The following PTPRD variants were observed in gnomAD, a reference collection of about 807,000 sequenced individuals.
PTPRD encodes the protein receptor-type tyrosine-protein phosphatase delta.
PTPRD carries 34 observed loss-of-function variants against 214.5 expected under a neutral mutation model. The observed-to-expected ratio is 0.16, with a 90% CI of 0.12 to 0.21. The LOEUF is 0.21. PTPRD is among the 10% of genes least tolerant of loss of function. The pLI, the probability that PTPRD is intolerant of heterozygous loss-of-function variation, is 1.00. For missense variants in PTPRD, 2,545 were observed against 2,398.7 expected (o/e 1.06, Z -1.27); for synonymous variants, 1,128 against 845.7 (o/e 1.33, Z -5.79).
At chr9:10,423,598 G>A (rs7849858) in intron 2 of PTPRD, among the ~76,000 whole-genome samples, 12,822 of 151,814 alleles carry the variant, frequency 0.084, 1,065 homozygotes, top group African/African-American at 0.21. Context: ...GGCATTCAAA[G>A]CAAATTATAA....
At chr9:9,605,163 G>A (rs1282995207) in intron 7 of PTPRD, among the ~76,000 whole-genome samples, 3 of 151,694 alleles carry the variant, frequency 2.0e-5, no homozygotes, top group African/African-American at 7.3e-5. Flanking sequence ...TTATTCCCTG[G>A]GTCTACATGG....
rs76887641 is a variant in PTPRD at position 10,479,247 on chromosome 9, A to G, written c.-600+133151T>C. ...TTCCAAACATGCCCTGGGCGTTTAC[A>G]CACATGGTACAACAAACTAACCTTA... is the stretch of plus-strand genomic sequence containing the variant. On this transcript the variant is annotated intron_variant, in intron 2 of 45. Transcript: ENST00000381196. Among the ~76,000 whole-genome samples, 167 of 152,292 alleles carry G rather than the reference A, an allele frequency of 1.1e-3. 1 individual carries two copies. In the East Asian group the frequency reaches 0.026, roughly 24 times the overall value.
In PTPRD at chr9:9,683,932, G is replaced by C. The variant is rs2097122529; in HGVS notation, c.-287+50601C>G. Among the ~76,000 whole-genome samples the C allele has an allele frequency of 2.0e-5, 3 of 151,688 alleles. 1 individual carries two copies. The South Asian group carries it at 6.2e-4, about 31-fold the overall frequency. ...TATATGACTCCAGCAACCCAAGCTG[G>C]TAGAAGTAAATATGATCAACATTCA... On this transcript the variant is annotated intron_variant, in intron 7 of 45. Transcript: ENST00000381196.
intron 3 of PTPRD, among the ~76,000 whole-genome samples, chr9:10,091,010 T>C (rs977674710): frequency 1.3e-5 from 2 of 150,822 alleles, no homozygotes; most frequent in Non-Finnish European, 3.0e-5. Context: ...TCATTTTCCA[T>C]TTCTGACATT....
chr9:9,078,544 G>C (rs1177526808), intron 10 of PTPRD, among the ~76,000 whole-genome samples: 1 of 152,046 alleles, frequency 6.6e-6, no homozygotes, highest in Non-Finnish European at 1.5e-5. Context: ...GAAATACTTG[G>C]CTCATGTTCC....
At chr9:8,429,613 T>C (rs182367798) in intron 35 of PTPRD, among the ~76,000 whole-genome samples, 3 of 152,238 alleles carry the variant, frequency 2.0e-5, no homozygotes, top group East Asian at 3.9e-4. Context: ...ATCTGAAATA[T>C]TTCATATAAA....
intron 12 of PTPRD, among the ~76,000 whole-genome samples, chr9:8,730,159 G>C (rs1243576334): frequency 1.3e-5 from 2 of 152,140 alleles, no homozygotes; most frequent in African/African-American, 4.8e-5. Context: ...CGGAGGCTGA[G>C]ACAGGAGAAT....
chr9:9,845,110 A>G (rs1261510324), intron 5 of PTPRD, among the ~76,000 whole-genome samples: 1 of 88,388 alleles, frequency 1.1e-5, no homozygotes, highest in African/African-American at 4.5e-5. Flanking sequence ...ATACTGCTAT[A>G]TATATTGCTC....
At chr9:9,407,850 A>T (rs952352438) in intron 8 of PTPRD, among the ~76,000 whole-genome samples, 1 of 151,832 alleles carries the variant, frequency 6.6e-6, no homozygotes, top group Non-Finnish European at 1.5e-5. Context: ...TGATAAAAGA[A>T]CTTTGTTTCC....
chr9:8,968,171 T>C lies in PTPRD; in HGVS notation c.-104+50526A>G, dbSNP rs147742256. On this transcript the variant is annotated intron_variant, in intron 11 of 45. Transcript: ENST00000381196. Reference sequence around the variant, plus strand: ...GTCTATCATTGTTGGACATTTGGGTTGGTTCCAAGTCTTTGCTATTGTGAA... The same window carrying C: ...GTCTATCATTGTTGGACATTTGGGTCGGTTCCAAGTCTTTGCTATTGTGAA... 6.9e-3 allele frequency among the ~76,000 whole-genome samples: 1,057 copies of C among 152,252 alleles called. 14 individuals are homozygous for C. The highest frequency in any genetic ancestry group is 0.024 in the African/African-American group (994 of 41,546).
At chr9:8,401,453 T>G (rs548102198) in intron 36 of PTPRD, among the ~76,000 whole-genome samples, 1 of 152,356 alleles carries the variant, frequency 6.6e-6, no homozygotes, top group African/African-American at 2.4e-5. Flanking sequence ...GTAATTGGAT[T>G]TGTCAAAAAT....
chr9:9,845,463 A>C (rs1188604606), intron 5 of PTPRD, among the ~76,000 whole-genome samples: 1 of 151,672 alleles, frequency 6.6e-6, no homozygotes, highest in Non-Finnish European at 1.5e-5. Context: ...GAATTATAGA[A>C]GCTCATGAGC....
chr9:8,850,465 C>T (rs2097788660), intron 11 of PTPRD, among the ~76,000 whole-genome samples: 2 of 152,054 alleles, frequency 1.3e-5, no homozygotes, highest in Admixed American at 1.3e-4. Context: ...TGACAAAGAA[C>T]AACTTCCATC....
intron 11 of PTPRD, among the ~76,000 whole-genome samples, chr9:8,786,954 C>T (rs1040589752): frequency 3.3e-5 from 5 of 151,572 alleles, no homozygotes; most frequent in African/African-American, 1.2e-4. Context: ...GCCCAGGCTG[C>T]AGTGTAGTGG....
chr9:9,928,941 C>T (rs2085349388), intron 5 of PTPRD, among the ~76,000 whole-genome samples: 1 of 152,058 alleles, frequency 6.6e-6, no homozygotes, highest in African/African-American at 2.4e-5. Context: ...AAAAGGCTTT[C>T]ACAAATACAG....
chr9:10,131,118 T>C (rs2098874181), intron 3 of PTPRD, among the ~76,000 whole-genome samples: 1 of 152,310 alleles, frequency 6.6e-6, no homozygotes, highest in Admixed American at 6.5e-5. Flanking sequence ...GAAAACTGGC[T>C]GTGCTTTCTG....
chr9:9,897,294 G>T (rs182582105), intron 5 of PTPRD, among the ~76,000 whole-genome samples: 112 of 152,028 alleles, frequency 7.4e-4, no homozygotes, highest in African/African-American at 2.7e-3. Flanking sequence ...TTACTAATTT[G>T]CTATATGAAA....
chr9:10,314,251 G>A (rs1264963268), intron 3 of PTPRD, among the ~76,000 whole-genome samples: 1 of 151,822 alleles, frequency 6.6e-6, no homozygotes, highest in East Asian at 1.9e-4. Flanking sequence ...AAATTATTAT[G>A]ATAGGACAGG....
intron 14 of PTPRD, among the ~76,000 whole-genome samples, chr9:8,573,946 T>C (rs1193251445): frequency 6.6e-6 from 1 of 151,988 alleles, no homozygotes; most frequent in Non-Finnish European, 1.5e-5. Flanking sequence ...TTTAACTTCA[T>C]TTAGGGCTGA....
Sources: gnomAD v4.1 joint callset for allele counts (sites outside exome capture counted in the v4.1 genomes callset) on GRCh38, gnomAD v4.1.1 for gene constraint, MANE v1.5 for transcripts, NCBI Gene and HGNC (gene_info 2026-07-23, HGNC 2026-07-21) for gene names.